The following COPZ2 variants were observed in gnomAD, a reference collection of about 807,000 sequenced individuals.
COPZ2 encodes coatomer subunit zeta-2.
A neutral mutation model predicts 33.2 loss-of-function variants in COPZ2; 30 were observed. The observed-to-expected ratio is 0.90, with a 90% CI of 0.68 to 1.23. COPZ2 has a LOEUF of 1.23. Among genes scored for constraint, COPZ2 ranks in the 50% most tolerant of loss-of-function variants. The pLI, the probability that COPZ2 is intolerant of heterozygous loss-of-function variation, is 0.00. For missense variants in COPZ2, 263 were observed against 262.4 expected (o/e 1.00, Z -0.02); for synonymous variants, 89 against 102.6 (o/e 0.87, Z 0.80).
chr17:48,033,315 G>A lies in COPZ2; in HGVS notation c.269-13C>T. 1 of 1,565,574 alleles carries A rather than the reference G, an allele frequency of 6.4e-7. No individual in the cohort carries two copies. Among genetic ancestry groups the A allele is most frequent in the Non-Finnish European group, 8.8e-7 (1 of 1,138,774 alleles). On this transcript the variant is annotated splice_polypyrimidine_tract_variant and intron_variant, in intron 3 of 8. Coordinates refer to ENST00000621465, the MANE Select transcript of COPZ2 (RefSeq NM_016429.4). ...AATGCAATCTCACCTAGAAGTGGAG[G>A]GAGCTTTCAGTCCTGGCCACCTTGC...
upstream of COPZ2, among the ~76,000 whole-genome samples, chr17:48,040,134 C>CCACACA (rs777014568): frequency 1.1e-3 from 139 of 121,516 alleles, no homozygotes; most frequent in African/African-American, 4.5e-3. Flanking sequence ...ACCCACCCAC[C>CCACACA]CACACACACA....
At chr17:48,029,577 G>A (rs2036862246) in intron 6 of COPZ2, among the ~76,000 whole-genome samples, 1 of 148,158 alleles carries the variant, frequency 6.7e-6, no homozygotes, top group Non-Finnish European at 1.5e-5. Context: ...TTCTTATCTT[G>A]TTGCACTGTT....
intron 4 of COPZ2, 54 bp downstream of exon 4, chr17:48,033,157 A>G: frequency 8.0e-7 from 1 of 1,247,858 alleles, no homozygotes; most frequent in Non-Finnish European, 1.2e-6. Flanking sequence ...ATTCCAAATA[A>G]CAACATTTCC....
Position 48,026,359 on chromosome 17 carries a change from G to A in COPZ2, c.*69C>T. ...ATACAGAGGGGTCTCTCCTGACCCT[G>A]GGATCTTTGGGCTTTTGCCAGGATT... On this transcript the variant is annotated 3_prime_UTR_variant, in exon 9 of 9. Coordinates refer to ENST00000621465, the MANE Select transcript of COPZ2 (RefSeq NM_016429.4). 1 of 1,294,948 alleles carries A rather than the reference G, an allele frequency of 7.7e-7. No individual in the cohort carries two copies. The highest frequency in any genetic ancestry group is 1.1e-6 in the Non-Finnish European group (1 of 893,366). The allele number at this position is 1,294,948 out of a possible 1,614,324, so 80.2% of individuals were successfully genotyped here.
the COPZ2 span, chr17:48,047,607 A>G: frequency 6.6e-6 from 1 of 151,510 alleles, no homozygotes; most frequent in Admixed American, 6.6e-5. Context: ...CATGACAAAA[A>G]TCGCCATTAC....
the COPZ2 span, chr17:48,048,024 A>T: frequency 6.6e-6 from 1 of 152,410 alleles, no homozygotes; most frequent in Non-Finnish European, 1.5e-5. Flanking sequence ...CCCAACCTGG[A>T]TACTTCACCC....
At chr17:48,033,036 C>T (rs1018138487) in intron 4 of COPZ2, 175 bp downstream of exon 4, 5 of 603,050 alleles carry the variant, frequency 8.3e-6, no homozygotes, top group Non-Finnish European at 1.2e-5. Context: ...TAAGGGGCAT[C>T]GAAGATACAC....
the COPZ2 span, chr17:48,045,951 C>G: frequency 6.6e-6 from 1 of 152,228 alleles, no homozygotes; most frequent in Non-Finnish European, 1.5e-5. Context: ...CAGACTTGAT[C>G]TGGAACTCTA....
upstream of COPZ2, among the ~76,000 whole-genome samples, chr17:48,040,712 T>A (rs2037053615): frequency 6.6e-6 from 1 of 151,780 alleles, no homozygotes; most frequent in African/African-American, 2.4e-5. Flanking sequence ...ATTACAGGCA[T>A]GAGCCACTGC....
At chr17:48,046,272 GTAGTTA>G in the COPZ2 span, 1 of 152,326 alleles carries the variant, frequency 6.6e-6, no homozygotes, top group East Asian at 1.9e-4. Flanking sequence ...AAATTGTCTT[GTAGTTA>G]AACACTGTAG....
At chr17:48,036,771 G>A in intron 2 of COPZ2, 80 bp downstream of exon 2, 1 of 1,349,750 alleles carries the variant, frequency 7.4e-7, no homozygotes, top group Non-Finnish European at 1.1e-6. Context: ...GAGTCACAGA[G>A]ATCACAGTGG....
In COPZ2 at chr17:48,033,915, C is replaced by T. The variant is rs1295997991; in HGVS notation, c.216G>A (p.Lys72=). 5 of 1,611,450 alleles carry T rather than the reference C, an allele frequency of 3.1e-6. No individual in the cohort carries two copies. The highest frequency in any genetic ancestry group is 4.2e-6 in the Non-Finnish European group (5 of 1,178,702). ...KYYDDTFPSM[K]EQMVFEKNVF... ...CATTTTTCTCGAAAACCATCTGCTC[C>T]TTCATGGAGGGGAATGTGTCATCAT... The change falls in exon 3 of 9, where the codon AAG becomes AAA. Residue 72 remains lysine (K), a synonymous_variant. Coordinates refer to ENST00000621465, the MANE Select transcript of COPZ2 (RefSeq NM_016429.4).
At chr17:48,035,836 C>T (rs549229546) in intron 2 of COPZ2, among the ~76,000 whole-genome samples, 7 of 150,310 alleles carry the variant, frequency 4.7e-5, no homozygotes, top group African/African-American at 1.7e-4. Flanking sequence ...TCACTGCAAC[C>T]TCTGCCTCCC....
upstream of COPZ2, among the ~76,000 whole-genome samples, chr17:48,041,257 A>T (rs183320611): frequency 8.5e-5 from 13 of 152,334 alleles, no homozygotes; most frequent in East Asian, 2.5e-3. Flanking sequence ...AATAGTAGAC[A>T]AAAGAAAAAT....
At chr17:48,044,403 CTTTTTTT>C in the COPZ2 span, among the ~76,000 whole-genome samples, 16 of 101,778 alleles carry the variant, frequency 1.6e-4, no homozygotes, top group South Asian at 1.7e-3. Flanking sequence ...CAATCTTTTG[CTTTTTTT>C]TTTTTTTTTT....
intron 6 of COPZ2, among the ~76,000 whole-genome samples, chr17:48,030,577 C>A (rs541297826): frequency 6.6e-6 from 1 of 152,240 alleles, no homozygotes; most frequent in South Asian, 2.1e-4. Flanking sequence ...TTCTTGGGAG[C>A]CTCTTCCAGT....
At position 48,029,110 on chromosome 17, in the gene COPZ2, C is replaced by T; in HGVS notation, c.546+15G>A. The T allele has an allele frequency of 6.4e-7, 1 of 1,570,748 alleles. No individual in the cohort carries two copies. Among genetic ancestry groups the T allele is most frequent in the Non-Finnish European group, 8.6e-7 (1 of 1,157,740 alleles). On this transcript the variant is annotated intron_variant, in intron 7 of 8. Transcript: ENST00000621465. The stretch of plus-strand genomic sequence containing the variant: ...AGGGCAGCCTAAAAGAGGAGGTGTC[C>T]AGGAAGACTCTTACCCTAAAATTCA...
rs145389929 is a variant in COPZ2 at position 48,037,456 on chromosome 17, C to T, written c.111+211G>A. 8.6e-3 allele frequency among the ~76,000 whole-genome samples: 1,316 copies of T among 152,338 alleles called. 17 individuals carry two copies. Among genetic ancestry groups the T allele is most frequent in the African/African-American group, 0.029 (1,192 of 41,574 alleles). On this transcript the variant is annotated intron_variant, in intron 1 of 8. Coordinates refer to ENST00000621465, the MANE Select transcript of COPZ2 (RefSeq NM_016429.4). This position sits in a 1 kb window ranked among gnomAD's most constrained non-coding sequence, Gnocchi z 5.6. ...ACCCCCACTCCAAACGGACCCAGAA[C>T]TTCAGCCCCGCGCCGACGGACTCAG...
At position 48,031,248 on chromosome 17, in the gene COPZ2, C is replaced by A. The variant is rs1209996560; in HGVS notation, c.494+908G>T. 2.0e-5 allele frequency among the ~76,000 whole-genome samples: 3 copies of A among 152,110 alleles called. No individual in the cohort carries two copies. In the East Asian group the frequency reaches 5.8e-4, roughly 29 times the overall value. On this transcript the variant is annotated intron_variant, in intron 6 of 8. Coordinates refer to ENST00000621465, the MANE Select transcript of COPZ2 (RefSeq NM_016429.4). Reference sequence around the variant, plus strand: ...TGGGCGGATCACGAGGTCAGGAGATCGAGACCATCCTGGCTAACATGGTGA... The same window carrying A: ...TGGGCGGATCACGAGGTCAGGAGATAGAGACCATCCTGGCTAACATGGTGA...
Sources: gnomAD v4.1 joint callset for allele counts (sites outside exome capture counted in the v4.1 genomes callset) on GRCh38, gnomAD v4.1.1 for gene constraint, Gnocchi (gnomAD v3.1) non-coding constraint, MANE v1.5 for transcripts, NCBI Gene and HGNC (gene_info 2026-07-23, HGNC 2026-07-21) for gene names.